Variants in CSMD1 observed in about 807,000 individuals in gnomAD.
The protein encoded by CSMD1 is CUB and Sushi multiple domains 1, also known as CUB and sushi domain-containing protein 1.
In CSMD1, 213 loss-of-function variants were observed where a neutral mutation model predicts 417.5. The observed-to-expected ratio is 0.51, with a 90% CI of 0.46 to 0.57. The LOEUF (loss-of-function observed/expected upper bound fraction) is 0.57. Among genes scored for constraint, CSMD1 ranks in the 20% least tolerant of loss-of-function variants. CSMD1 has a pLI of 0.00. For synonymous variants in CSMD1, 2,862 were observed against 1,736.8 expected (o/e 1.65, Z -16.11); for missense variants, 6,923 against 4,529.7 (o/e 1.53, Z -15.17).
intron 1 of CSMD1, among the ~76,000 whole-genome samples, chr8:4,677,066 AGATAT>A (rs1298309566): frequency 6.8e-6 from 1 of 147,000 alleles, no homozygotes; most frequent in Non-Finnish European, 1.5e-5. Flanking sequence ...TTATATATAG[AGATAT>A]GATATATATA....
At chr8:3,457,679 A>G (rs1217105858) in intron 12 of CSMD1, among the ~76,000 whole-genome samples, 2 of 152,250 alleles carry the variant, frequency 1.3e-5, no homozygotes, top group Admixed American at 1.3e-4. Context: ...AGAAATTTTA[A>G]CAAAGACTCT....
chr8:3,419,509 TG>T lies in CSMD1; in HGVS notation c.1562-9905del, dbSNP rs1178236222. Among the ~76,000 whole-genome samples the T allele has an allele frequency of 2.6e-4, 40 of 152,374 alleles. 1 individual carries two copies. The highest frequency in any genetic ancestry group is 3.4e-3 in the Middle Eastern group (1 of 294). ...ACACTGATTTTTAATAAAAACTCTA[TG>T]TATTTGTGTTTGCCTGTCAGGAGGA... On this transcript the variant is annotated intron_variant, in intron 12 of 69. Coordinates refer to ENST00000635120, the MANE Select transcript of CSMD1 (RefSeq NM_033225.6).
intron 33 of CSMD1, among the ~76,000 whole-genome samples, chr8:3,197,972 G>A (rs892719670): frequency 3.9e-5 from 6 of 152,172 alleles, no homozygotes; most frequent in Admixed American, 6.5e-5. Context: ...AGCAAGAGAA[G>A]GAGGTATATT....
chr8:3,503,699 T>A (rs575736331), intron 10 of CSMD1, among the ~76,000 whole-genome samples: 208 of 152,302 alleles, frequency 1.4e-3, no homozygotes, highest in Non-Finnish European at 2.4e-3. Context: ...AAGCTGGATG[T>A]CCCCCATCCA....
chr8:4,926,751 T>G (rs1806898117), intron 1 of CSMD1, among the ~76,000 whole-genome samples: 1 of 152,190 alleles, frequency 6.6e-6, no homozygotes, highest in Non-Finnish European at 1.5e-5. Context: ...ACTTACATTT[T>G]AAATTCACCA....
intron 7 of CSMD1, among the ~76,000 whole-genome samples, chr8:3,619,276 T>G (rs1207063848): frequency 6.6e-6 from 1 of 152,146 alleles, no homozygotes; most frequent in East Asian, 1.9e-4. Flanking sequence ...CCTAAAGTCT[T>G]CAGTCCAGGT....
chr8:3,564,561 T>C (rs1357845120), intron 10 of CSMD1, among the ~76,000 whole-genome samples: 2 of 79,746 alleles, frequency 2.5e-5, no homozygotes, highest in African/African-American at 9.6e-5. Flanking sequence ...ATAATACATG[T>C]TTGCAAGCAA....
At chr8:4,077,889 A>T (rs966900767) in intron 3 of CSMD1, among the ~76,000 whole-genome samples, 1 of 152,102 alleles carries the variant, frequency 6.6e-6, no homozygotes, top group South Asian at 2.1e-4. Context: ...TTGATGCCCA[A>T]TATAGCAATG....
intron 8 of CSMD1, among the ~76,000 whole-genome samples, chr8:3,608,627 G>C (rs1801737624): frequency 6.6e-6 from 1 of 151,956 alleles, no homozygotes; most frequent in Middle Eastern, 3.4e-3. Context: ...AGCCGGGCAT[G>C]GTAGCACACG....
chr8:3,065,670 G>A (rs1304257588), intron 49 of CSMD1, among the ~76,000 whole-genome samples: 4 of 152,154 alleles, frequency 2.6e-5, no homozygotes, highest in Admixed American at 6.5e-5. Flanking sequence ...TTGATCAATC[G>A]CTAGGTTGAT....
chr8:4,433,901 G>C (rs939872733), intron 2 of CSMD1, among the ~76,000 whole-genome samples: 9 of 152,234 alleles, frequency 5.9e-5, no homozygotes, highest in East Asian at 1.9e-4. Context: ...TCCTACAAAA[G>C]TCAGGATAAG....
At chr8:4,191,807 C>G (rs941551313) in intron 3 of CSMD1, among the ~76,000 whole-genome samples, 1 of 150,238 alleles carries the variant, frequency 6.7e-6, no homozygotes, top group South Asian at 2.1e-4. Flanking sequence ...TTGACTTCAT[C>G]TCCTATCGAA....
intron 1 of CSMD1, among the ~76,000 whole-genome samples, chr8:4,940,360 C>T (rs560683910): frequency 6.6e-6 from 1 of 152,146 alleles, no homozygotes; most frequent in East Asian, 1.9e-4. Flanking sequence ...TTAAAATATG[C>T]AAATTGAGTG....
chr8:3,478,041 C>G (rs563710790), intron 11 of CSMD1, among the ~76,000 whole-genome samples: 38 of 152,280 alleles, frequency 2.5e-4, no homozygotes, highest in African/African-American at 9.1e-4. Context: ...AAGTTACTAT[C>G]ATTTCCCCAC....
intron 18 of CSMD1, among the ~76,000 whole-genome samples, chr8:3,377,336 T>C (rs1405767363): frequency 6.6e-6 from 1 of 152,172 alleles, no homozygotes; most frequent in Non-Finnish European, 1.5e-5. Context: ...TACCACAAAT[T>C]CTTTATACTG....
chr8:3,157,144 T>C (rs907933626), intron 39 of CSMD1, among the ~76,000 whole-genome samples: 1 of 152,262 alleles, frequency 6.6e-6, no homozygotes, highest in Non-Finnish European at 1.5e-5. Flanking sequence ...AGACAGTACC[T>C]GCAAGGTTGA....
chr8:4,188,474 T>C (rs1798813306), intron 3 of CSMD1, among the ~76,000 whole-genome samples: 1 of 152,158 alleles, frequency 6.6e-6, no homozygotes, highest in Middle Eastern at 3.4e-3. Context: ...TGGAAAAGGG[T>C]CCATCAACCA....
At chr8:3,479,637 G>A (rs558249215) in intron 11 of CSMD1, among the ~76,000 whole-genome samples, 1 of 152,252 alleles carries the variant, frequency 6.6e-6, no homozygotes, top group Admixed American at 6.5e-5. Flanking sequence ...AACCACAGTT[G>A]CTTTTTCATC....
intron 54 of CSMD1, among the ~76,000 whole-genome samples, chr8:2,992,633 G>C (rs768391375): frequency 6.6e-6 from 1 of 151,942 alleles, no homozygotes; most frequent in African/African-American, 2.4e-5. Flanking sequence ...CACCATGTTG[G>C]TCAGGCTGGT....
Sources: allele counts gnomAD v4.1 joint callset (sites outside exome capture counted in the v4.1 genomes callset), GRCh38; gene constraint gnomAD v4.1.1; transcripts MANE v1.5; gene names NCBI Gene and HGNC (gene_info 2026-07-23, HGNC 2026-07-21).